Variants in CACNB2 observed in about 807,000 individuals in gnomAD.
The protein encoded by CACNB2 is calcium voltage-gated channel auxiliary subunit beta 2.
Under a neutral mutation model 73.3 loss-of-function variants are expected in CACNB2, and 42 were observed. The observed-to-expected ratio is 0.57, with a 90% CI of 0.45 to 0.74. The LOEUF is 0.74. CACNB2 is among the 30% of genes least tolerant of loss of function. CACNB2 has a pLI of 0.00. For missense variants in CACNB2, 940 were observed against 853.0 expected (o/e 1.10, Z -1.27); for synonymous variants, 348 against 310.3 (o/e 1.12, Z -1.28).
intron 3 of CACNB2, among the ~76,000 whole-genome samples, chr10:18,464,418 T>TTAAAAAAAAAAAAAAAAAAAAAAAAAA (rs1360690647): frequency 1.5e-4 from 13 of 85,304 alleles, no homozygotes; most frequent in Admixed American, 4.6e-4. Context: ...TCTCAAAAAT[T>TTAAAAAAAAAAAAAAAAAAAAAAAAAA]AAAAAAAAAA....
intron 2 of CACNB2, among the ~76,000 whole-genome samples, chr10:18,294,046 CAGG>C (rs2039177340): frequency 2.0e-5 from 3 of 152,266 alleles, no homozygotes; most frequent in Non-Finnish European, 4.4e-5. Context: ...GACTTGAGTT[CAGG>C]AGGAGAATAA....
At chr10:18,414,408 T>A (rs2044817782) in intron 3 of CACNB2, among the ~76,000 whole-genome samples, 1 of 152,140 alleles carries the variant, frequency 6.6e-6, no homozygotes, top group Admixed American at 6.6e-5. Context: ...GTTAAGCTAG[T>A]TTTAACTTTC....
intron 2 of CACNB2, among the ~76,000 whole-genome samples, chr10:18,161,627 C>CTT (rs2032466278): frequency 7.6e-6 from 1 of 131,580 alleles, no homozygotes; most frequent in African/African-American, 2.9e-5. Context: ...CATGGCAAAT[C>CTT]TCTTTTTTTT....
chr10:18,335,618 C>T (rs377057016), intron 2 of CACNB2, among the ~76,000 whole-genome samples: 144 of 152,230 alleles, frequency 9.5e-4, no homozygotes, highest in Middle Eastern at 6.8e-3. Context: ...CCATCACTTC[C>T]TGTCTTACAT....
At chr10:18,235,718 C>T (rs2036415862) in intron 2 of CACNB2, among the ~76,000 whole-genome samples, 1 of 151,994 alleles carries the variant, frequency 6.6e-6, no homozygotes. Flanking sequence ...TCAGAGCTGC[C>T]CTAGAGCTTT....
intron 2 of CACNB2, among the ~76,000 whole-genome samples, chr10:18,326,832 T>A (rs1436637950): frequency 6.6e-6 from 1 of 152,100 alleles, no homozygotes; most frequent in Non-Finnish European, 1.5e-5. Context: ...GCTCAAGCAA[T>A]CCTCCCGCTT....
chr10:18,305,361 A>T (rs1372223749), intron 2 of CACNB2, among the ~76,000 whole-genome samples: 2 of 152,224 alleles, frequency 1.3e-5, no homozygotes, highest in Admixed American at 1.3e-4. Flanking sequence ...ATCCTTTTTG[A>T]AATAAGATTG....
chr10:18,511,578 A>G (rs189605376), intron 6 of CACNB2, among the ~76,000 whole-genome samples: 7 of 152,320 alleles, frequency 4.6e-5, no homozygotes, highest in African/African-American at 1.7e-4. Flanking sequence ...TCCTTCCTTC[A>G]ATCTAAATGT....
rs2032368564 is a variant in CACNB2 at position 18,160,355 on chromosome 10, C to G, written c.213+9380C>G. On this transcript the variant is annotated intron_variant, in intron 2 of 13. Coordinates refer to ENST00000324631, the MANE Select transcript of CACNB2 (RefSeq NM_201596.3). ...TCTATGAAGATACATCATTTTAAAACCAAGAATTCTTTCTGTAGTTACTTT... is the reference window on the plus strand; with the variant it reads ...TCTATGAAGATACATCATTTTAAAAGCAAGAATTCTTTCTGTAGTTACTTT... 2.0e-5 allele frequency among the ~76,000 whole-genome samples: 3 copies of G among 152,102 alleles called. No individual in the cohort carries two copies. In the South Asian group the frequency reaches 6.2e-4, roughly 32 times the overall value.
At position 18,357,089 on chromosome 10, in the gene CACNB2, C is replaced by T. The variant is rs564362947; in HGVS notation, c.214-44835C>T. ...CCTCCCGTGTAGCTGGGACTACAGGCGCGCACCACCATGCCCGGCTAATTT... is the reference window on the plus strand; with the variant it reads ...CCTCCCGTGTAGCTGGGACTACAGGTGCGCACCACCATGCCCGGCTAATTT... On this transcript the variant is annotated intron_variant, in intron 2 of 13. Coordinates refer to ENST00000324631, the MANE Select transcript of CACNB2 (RefSeq NM_201596.3). Among the ~76,000 whole-genome samples the T allele has an allele frequency of 1.1e-4, 16 of 150,394 alleles. No homozygotes were observed. In the East Asian group the frequency reaches 1.6e-3, roughly 15 times the overall value.
intron 11 of CACNB2, among the ~76,000 whole-genome samples, chr10:18,535,494 C>G (rs145874228): frequency 1.3e-5 from 2 of 152,082 alleles, no homozygotes; most frequent in Middle Eastern, 3.4e-3. Context: ...AAAATTCGGC[C>G]GGGCGCAGTG....
intron 3 of CACNB2, among the ~76,000 whole-genome samples, chr10:18,481,916 G>A (rs1412422574): frequency 6.6e-6 from 1 of 152,102 alleles, no homozygotes; most frequent in Non-Finnish European, 1.5e-5. Context: ...GAGTTCTGTT[G>A]TGTTGCCCAG....
At chr10:18,179,525 GCTATAGTAATA>G (rs1475319428) in intron 2 of CACNB2, among the ~76,000 whole-genome samples, 1 of 152,074 alleles carries the variant, frequency 6.6e-6, no homozygotes, top group African/African-American at 2.4e-5. Flanking sequence ...TTCTGAAAGT[GCTATAGTAATA>G]CATGCATGTT....
chr10:18,426,016 G>A (rs2132767992), intron 3 of CACNB2, among the ~76,000 whole-genome samples: 1 of 152,256 alleles, frequency 6.6e-6, no homozygotes, highest in Middle Eastern at 3.4e-3. Context: ...AATAAAGATT[G>A]ATAGAGTTTG....
chr10:18,536,266 TTTTTTTTGG>T lies in CACNB2; in HGVS notation c.1302+71_1302+79del, dbSNP rs531775077. On this transcript the variant is annotated intron_variant, in intron 12 of 13. Coordinates refer to ENST00000324631, the MANE Select transcript of CACNB2 (RefSeq NM_201596.3). Reference sequence around the variant, plus strand: ...ACCTTTTTTTTTTTTTTTTTTTTTTTTTTTTTTGGGGGACAAGGTCTTGCTCTGTTGCCC... The same window carrying T: ...ACCTTTTTTTTTTTTTTTTTTTTTTTGGGACAAGGTCTTGCTCTGTTGCCC... The T allele has an allele frequency of 0.033, 14,862 of 444,150 alleles. 1,736 individuals carry two copies. The highest frequency in any genetic ancestry group is 0.04 in the Non-Finnish European group (10,716 of 267,906). The allele number at this position is 444,150 out of a possible 1,614,324, so 27.5% of individuals were successfully genotyped here.
At chr10:18,201,428 C>T (rs2034877942) in intron 2 of CACNB2, among the ~76,000 whole-genome samples, 1 of 152,130 alleles carries the variant, frequency 6.6e-6, no homozygotes, top group African/African-American at 2.4e-5. Context: ...GCATGCGCCA[C>T]CAGGTCCAGC....
chr10:18,425,940 G>T (rs2045577094), intron 3 of CACNB2, among the ~76,000 whole-genome samples: 1 of 152,082 alleles, frequency 6.6e-6, no homozygotes, highest in Non-Finnish European at 1.5e-5. Context: ...CCACATATGA[G>T]TAGGTCTGTA....
chr10:18,354,078 A>T (rs2041819077), intron 2 of CACNB2, among the ~76,000 whole-genome samples: 1 of 152,324 alleles, frequency 6.6e-6, no homozygotes, highest in South Asian at 2.1e-4. Context: ...GCTGGGTGAC[A>T]TTGGACAAAT....
intron 3 of CACNB2, among the ~76,000 whole-genome samples, chr10:18,431,559 T>C (rs1193198675): frequency 9.9e-5 from 15 of 152,200 alleles, no homozygotes. Context: ...AAGTCTATGA[T>C]ATGAAACATC....
Sources: gnomAD v4.1 joint callset for allele counts (sites outside exome capture counted in the v4.1 genomes callset) on GRCh38, gnomAD v4.1.1 for gene constraint, MANE v1.5 for transcripts, NCBI Gene and HGNC (gene_info 2026-07-23, HGNC 2026-07-21) for gene names.